The following NTN1 variants were observed in gnomAD, a reference collection of about 807,000 sequenced individuals.
The protein encoded by NTN1 is netrin-1.
NTN1 carries 11 observed loss-of-function variants against 54.2 expected under a neutral mutation model. The ratio of observed to expected loss-of-function variants is 0.20; its 90% confidence interval spans 0.13 to 0.34. NTN1 has a LOEUF of 0.34. NTN1 is among the 10% of genes least tolerant of loss of function. The pLI, the probability that NTN1 is intolerant of heterozygous loss-of-function variation, is 1.00. For synonymous variants in NTN1, 371 were observed against 382.0 expected (o/e 0.97, Z 0.33); for missense variants, 740 against 893.1 (o/e 0.83, Z 2.18).
intron 2 of NTN1, among the ~76,000 whole-genome samples, chr17:9,136,366 G>C (rs1379732347): frequency 6.6e-6 from 1 of 152,196 alleles, no homozygotes; most frequent in Non-Finnish European, 1.5e-5. Context: ...CTGAGGTCAG[G>C]AGTTCTAGAC....
chr17:9,011,846 C>G, the NTN1 span, among the ~76,000 whole-genome samples: 1 of 152,156 alleles, frequency 6.6e-6, no homozygotes, highest in Non-Finnish European at 1.5e-5. Flanking sequence ...CCTCGGCCCC[C>G]CAGAGTGCTG....
intron 2 of NTN1, among the ~76,000 whole-genome samples, chr17:9,092,460 G>A (rs1053884088): frequency 6.1e-5 from 9 of 147,190 alleles, no homozygotes; most frequent in Non-Finnish European, 1.0e-4. Flanking sequence ...GGTAATTTTT[G>A]TATTTTTTTA....
At chr17:9,033,772 C>T (rs970256488) in intron 2 of NTN1, among the ~76,000 whole-genome samples, 5 of 152,062 alleles carry the variant, frequency 3.3e-5, no homozygotes, top group Non-Finnish European at 7.4e-5. Flanking sequence ...ACAAAATTAG[C>T]CGGGCGTGGT....
chr17:9,140,705 G>T (rs1001824461), intron 2 of NTN1, among the ~76,000 whole-genome samples: 1 of 152,206 alleles, frequency 6.6e-6, no homozygotes, highest in Non-Finnish European at 1.5e-5. Flanking sequence ...AAATGAACCT[G>T]TCATGTAGGA....
intron 2 of NTN1, among the ~76,000 whole-genome samples, chr17:9,101,073 G>A (rs746693264): frequency 2.6e-5 from 4 of 152,114 alleles, no homozygotes; most frequent in South Asian, 4.1e-4. Flanking sequence ...AATTCATTAT[G>A]TTCTGCCTGG....
At chr17:9,039,601 C>G (rs2091915013) in intron 2 of NTN1, among the ~76,000 whole-genome samples, 1 of 152,140 alleles carries the variant, frequency 6.6e-6, no homozygotes, top group African/African-American at 2.4e-5. Context: ...ACCATCACCA[C>G]AATCAAGATA....
chr17:9,095,881 C>T (rs1264366284), intron 2 of NTN1, among the ~76,000 whole-genome samples: 1 of 151,762 alleles, frequency 6.6e-6, no homozygotes, highest in Non-Finnish European at 1.5e-5. Context: ...TGCACTGCAA[C>T]CTCTGCCTCC....
intron 2 of NTN1, among the ~76,000 whole-genome samples, chr17:9,129,370 C>T (rs921064992): frequency 6.6e-6 from 1 of 152,080 alleles, no homozygotes; most frequent in Non-Finnish European, 1.5e-5. Flanking sequence ...GGAGCTGGAG[C>T]GGCTGAGCTG....
At chr17:9,076,584 C>T (rs1296460778) in intron 2 of NTN1, among the ~76,000 whole-genome samples, 1 of 152,098 alleles carries the variant, frequency 6.6e-6, no homozygotes, top group Non-Finnish European at 1.5e-5. Flanking sequence ...CTATGTTGCT[C>T]AGGCTGGACT....
chr17:9,144,051 A>G (rs931469936), intron 2 of NTN1, among the ~76,000 whole-genome samples: 19 of 151,942 alleles, frequency 1.3e-4, no homozygotes, highest in African/African-American at 3.9e-4. Flanking sequence ...ACGCACCACC[A>G]TGTCCGGCTA....
intron 2 of NTN1, among the ~76,000 whole-genome samples, chr17:9,098,442 C>T (rs754909954): frequency 7.9e-5 from 12 of 152,188 alleles, no homozygotes; most frequent in South Asian, 2.1e-4. Flanking sequence ...AAGGAGCCTG[C>T]GGAGCAGGTC....
At chr17:9,200,691 T>C (rs1173102741) in intron 5 of NTN1, among the ~76,000 whole-genome samples, 1 of 152,236 alleles carries the variant, frequency 6.6e-6, no homozygotes, top group Non-Finnish European at 1.5e-5. Flanking sequence ...TGTCCATTTA[T>C]TCATTTTCTC....
intron 2 of NTN1, among the ~76,000 whole-genome samples, chr17:9,032,608 A>T (rs2091891361): frequency 6.6e-6 from 1 of 152,216 alleles, no homozygotes. Context: ...GCCGAACAAG[A>T]ATAGTTCCAA....
intron 2 of NTN1, among the ~76,000 whole-genome samples, chr17:9,148,132 G>A (rs1567722168): frequency 6.6e-6 from 1 of 152,156 alleles, no homozygotes; most frequent in African/African-American, 2.4e-5. Flanking sequence ...TGGCATTGAC[G>A]GCCCTGCAGA....
intron 2 of NTN1, among the ~76,000 whole-genome samples, chr17:9,094,988 C>CAAA (rs71135941): frequency 3.5e-4 from 35 of 99,886 alleles, no homozygotes; most frequent in African/African-American, 6.7e-4. Flanking sequence ...GACTCCGTCT[C>CAAA]AAAAAAAAAA....
chr17:9,096,196 T>G (rs2092131431), intron 2 of NTN1, among the ~76,000 whole-genome samples: 1 of 152,116 alleles, frequency 6.6e-6, no homozygotes. Flanking sequence ...TTCTTAAGTT[T>G]ATATGTGGGC....
chr17:9,235,669 T>A (rs1905960188), intron 6 of NTN1, among the ~76,000 whole-genome samples: 2 of 152,104 alleles, frequency 1.3e-5, no homozygotes, highest in South Asian at 4.2e-4. Flanking sequence ...TCAGAAATGC[T>A]GCCTTCTTGC....
At chr17:9,078,489 A>G (rs2092059244) in intron 2 of NTN1, among the ~76,000 whole-genome samples, 2 of 152,218 alleles carry the variant, frequency 1.3e-5, no homozygotes, top group African/African-American at 4.8e-5. Flanking sequence ...CATTTTAAAG[A>G]TGAGTACCTG....
intron 2 of NTN1, among the ~76,000 whole-genome samples, chr17:9,031,610 T>C (rs17740993): frequency 0.14 from 21,676 of 152,088 alleles, 1,728 homozygotes; most frequent in Non-Finnish European, 0.18. Flanking sequence ...TTCTGGAGCA[T>C]TTACTGTTCA....
Sources: allele counts gnomAD v4.1 joint callset (sites outside exome capture counted in the v4.1 genomes callset), GRCh38; gene constraint gnomAD v4.1.1; transcripts MANE v1.5; gene names NCBI Gene and HGNC (gene_info 2026-07-23, HGNC 2026-07-21).